ALG14: variants seen among roughly 807,000 people sequenced by gnomAD.
ALG14 encodes the protein ALG14 UDP-N-acetylglucosaminyltransferase subunit.
In ALG14, 17 loss-of-function variants were observed where a neutral mutation model predicts 22.8. The observed-to-expected ratio is 0.75, with a 90% CI of 0.51 to 1.12. The LOEUF is 1.12. ALG14 is among the 50% of genes most tolerant of loss of function. ALG14 has a pLI of 0.00. For synonymous variants in ALG14, 89 were observed against 103.7 expected (o/e 0.86, Z 0.86); for missense variants, 288 against 271.8 (o/e 1.06, Z -0.42).
intron 2 of ALG14, among the ~76,000 whole-genome samples, chr1:95,047,614 G>C (rs1441098829): frequency 6.6e-6 from 1 of 152,138 alleles, no homozygotes; most frequent in Admixed American, 6.6e-5. Context: ...AAAGTGCTGG[G>C]ATTACAGGTG....
chr1:95,064,085 C>G (rs1356510743), intron 2 of ALG14, among the ~76,000 whole-genome samples: 1 of 152,068 alleles, frequency 6.6e-6, no homozygotes, highest in Non-Finnish European at 1.5e-5. Flanking sequence ...TTCGGCTTGC[C>G]TGTTGTTGGT....
At chr1:95,020,669 C>T (rs1402881871) in intron 3 of ALG14, among the ~76,000 whole-genome samples, 1 of 149,872 alleles carries the variant, frequency 6.7e-6, no homozygotes, top group East Asian at 2.0e-4. Context: ...ACCCAGGATC[C>T]AGAGGTCACG....
chr1:95,010,792 A>G (rs1002023772), intron 3 of ALG14, among the ~76,000 whole-genome samples: 2 of 152,228 alleles, frequency 1.3e-5, no homozygotes, highest in African/African-American at 4.8e-5. Flanking sequence ...TCCTTTTGCC[A>G]TTCCTAAATT....
At chr1:95,005,192 A>C (rs1439597034) in intron 3 of ALG14, among the ~76,000 whole-genome samples, 3 of 152,224 alleles carry the variant, frequency 2.0e-5, no homozygotes, top group Non-Finnish European at 4.4e-5. Context: ...CTTTCAGGCG[A>C]AAAAGGCAAT....
intron 2 of ALG14, among the ~76,000 whole-genome samples, chr1:95,043,667 G>A (rs74101998): frequency 0.047 from 7,077 of 152,142 alleles, 218 homozygotes; most frequent in African/African-American, 0.083. Context: ...CACTTGGAGG[G>A]GCCCGCCTGG....
At chr1:95,033,890 T>C (rs1674103694) in intron 2 of ALG14, among the ~76,000 whole-genome samples, 1 of 152,234 alleles carries the variant, frequency 6.6e-6, no homozygotes, top group Non-Finnish European at 1.5e-5. Flanking sequence ...CATCTGTTTA[T>C]AATGTAAAGC....
At chr1:95,024,557 G>A (rs1324721064) in intron 3 of ALG14, among the ~76,000 whole-genome samples, 1 of 152,174 alleles carries the variant, frequency 6.6e-6, no homozygotes, top group African/African-American at 2.4e-5. Context: ...GGGCAATTTC[G>A]TGGATGTTCT....
intron 2 of ALG14, among the ~76,000 whole-genome samples, chr1:95,046,611 G>A (rs1674563913): frequency 6.6e-6 from 1 of 152,186 alleles, no homozygotes; most frequent in African/African-American, 2.4e-5. Flanking sequence ...ATGTCAGCAA[G>A]TTATTTAATT....
At chr1:94,999,807 T>C (rs1451066189) in intron 3 of ALG14, among the ~76,000 whole-genome samples, 2 of 152,206 alleles carry the variant, frequency 1.3e-5, no homozygotes, top group Admixed American at 1.3e-4. Flanking sequence ...GATACATTTC[T>C]CTCTTTTCCT....
At chr1:94,992,891 G>A (rs539902528) in intron 3 of ALG14, among the ~76,000 whole-genome samples, 2 of 151,976 alleles carry the variant, frequency 1.3e-5, no homozygotes, top group East Asian at 1.9e-4. Flanking sequence ...CTTGCTCCAC[G>A]GTAATGTGTC....
chr1:95,030,585 T>C (rs1234977287), intron 2 of ALG14, among the ~76,000 whole-genome samples: 2 of 152,194 alleles, frequency 1.3e-5, no homozygotes, highest in Non-Finnish European at 2.9e-5. Flanking sequence ...CATACAACTT[T>C]ACGAAGCAGC....
chr1:95,033,420 T>TACACAC (rs374040999), intron 2 of ALG14, among the ~76,000 whole-genome samples: 3,453 of 139,586 alleles, frequency 0.025, 82 homozygotes, highest in African/African-American at 0.057. Context: ...TATATATATA[T>TACACAC]ACACACACAC....
At chr1:94,994,318 T>TTATA (rs1672855838) in intron 3 of ALG14, among the ~76,000 whole-genome samples, 1 of 151,984 alleles carries the variant, frequency 6.6e-6, no homozygotes, top group Non-Finnish European at 1.5e-5. Context: ...AACCCAGTAT[T>TTATA]TTTTCCTTTT....
Position 94,981,371 on chromosome 1 carries a change from T to A in ALG14, c.*1705A>T, listed in dbSNP as rs1672488660. 1 of 151,226 alleles carries A rather than the reference T, an allele frequency of 6.6e-6. No individual in the cohort carries two copies. The highest frequency in any genetic ancestry group is 1.5e-5 in the Non-Finnish European group (1 of 67,898). 9.4% of individuals were successfully genotyped at this position (151,226 alleles called of 1,614,324 possible). On this transcript the variant is annotated 3_prime_UTR_variant, in exon 4 of 4. Coordinates refer to ENST00000370205, the MANE Select transcript of ALG14 (RefSeq NM_144988.4). ...TCTGAGACACCTTCGGCTACACATTTCTCCAGCCAAAAACCTAGGAAGATG... is the reference window on the plus strand; with the variant it reads ...TCTGAGACACCTTCGGCTACACATTACTCCAGCCAAAAACCTAGGAAGATG...
At chr1:94,987,958 G>A (rs948577090) in intron 3 of ALG14, among the ~76,000 whole-genome samples, 2 of 152,202 alleles carry the variant, frequency 1.3e-5, no homozygotes, top group Admixed American at 6.5e-5. Context: ...CTTTCTGATA[G>A]CCTCTTGCTG....
intron 2 of ALG14, among the ~76,000 whole-genome samples, chr1:95,042,225 C>G (rs1674401112): frequency 6.6e-6 from 1 of 151,996 alleles, no homozygotes; most frequent in Non-Finnish European, 1.5e-5. Context: ...GCCCCCACCC[C>G]AACACTCTAT....
intron 3 of ALG14, among the ~76,000 whole-genome samples, chr1:95,010,651 GA>G (rs768706695): frequency 4.3e-4 from 65 of 152,116 alleles, no homozygotes; most frequent in Non-Finnish European, 8.8e-4. Flanking sequence ...TTTTGATGGT[GA>G]AAATGCCCTT....
In ALG14 at chr1:95,072,798, C is replaced by T. The variant is rs566569103; in HGVS notation, c.101G>A (p.Arg34Gln). ...VVLRSMDVTPRESLSILVVAG... is the reference protein window; with the variant it reads ...VVLRSMDVTPQESLSILVVAG... The stretch of plus-strand genomic sequence containing the variant: ...CACTACCAAGATACTGAGAGACTCC[C>T]GGGGCGTAACGTCCATGGAACGAAG... The change falls in exon 1 of 4, where the codon CGG becomes CAG. Residue 34 changes from arginine (R) to glutamine (Q), a missense_variant. By Grantham distance (43) the Arg-to-Gln change is conservative. Coordinates refer to ENST00000370205, the MANE Select transcript of ALG14 (RefSeq NM_144988.4). 1.2e-6 allele frequency: 2 copies of T among 1,614,044 alleles called. No individual in the cohort carries two copies. Among genetic ancestry groups the T allele is most frequent in the Non-Finnish European group, 8.5e-7 (1 of 1,180,046 alleles).
chr1:95,072,901 A>G lies in ALG14; in HGVS notation c.-3T>C. 6.2e-7 allele frequency: 1 copy of G among 1,613,964 alleles called. No homozygotes were observed. Among genetic ancestry groups the G allele is most frequent in the Non-Finnish European group, 8.5e-7 (1 of 1,179,980 alleles). ...GCTAGAACGAGAACGCACACCATGC[A>G]GAGAAACGGCGCATGCGTCCAACTT... On this transcript the variant is annotated 5_prime_UTR_variant, in exon 1 of 4. Transcript: ENST00000370205.
Sources: gnomAD v4.1 joint callset for allele counts (sites outside exome capture counted in the v4.1 genomes callset) on GRCh38, gnomAD v4.1.1 for gene constraint, MANE v1.5 for transcripts, NCBI Gene and HGNC (gene_info 2026-07-23, HGNC 2026-07-21) for gene names.